Variants in NREP observed in about 807,000 individuals in gnomAD.
The protein encoded by NREP is neuronal regeneration related protein, also known as neuronal regeneration-related protein.
In NREP, 5 loss-of-function variants were observed where a neutral mutation model predicts 8.6. The observed-to-expected ratio is 0.58, with a 90% CI of 0.30 to 1.22. The LOEUF is 1.22. Ranked by LOEUF, NREP falls within the 50% of genes most tolerant of loss-of-function variation. NREP has a pLI of 0.07. For missense variants in NREP, 86 were observed against 82.5 expected (o/e 1.04, Z -0.17); for synonymous variants, 27 against 28.0 (o/e 0.96, Z 0.11).
chr5:111,732,727 GA>G (rs1748712141), intron 3 of NREP: 1 of 148,512 alleles, frequency 6.7e-6, no homozygotes. Flanking sequence ...CTGCCAGCCC[GA>G]CCCCACCTCA....
chr5:111,811,033 C>T (rs963347348), intron 2 of NREP, among the ~76,000 whole-genome samples: 22 of 152,214 alleles, frequency 1.4e-4, no homozygotes, highest in Non-Finnish European at 2.5e-4. Flanking sequence ...AATTATAGAG[C>T]CTAAAACCAC....
intron 2 of NREP, among the ~76,000 whole-genome samples, chr5:111,823,064 A>G (rs1481987466): frequency 6.6e-6 from 1 of 152,246 alleles, no homozygotes; most frequent in Non-Finnish European, 1.5e-5. Context: ...CAAGGGCCAC[A>G]GGCTGCTTGA....
At chr5:111,866,762 T>C (rs1434419128) in intron 2 of NREP, among the ~76,000 whole-genome samples, 7 of 151,740 alleles carry the variant, frequency 4.6e-5, no homozygotes, top group Non-Finnish European at 4.4e-5. Flanking sequence ...CCAACAATGA[T>C]AGACTGGATT....
intron 2 of NREP, among the ~76,000 whole-genome samples, chr5:111,967,705 G>T (rs1376437843): frequency 6.6e-6 from 1 of 152,026 alleles, no homozygotes; most frequent in African/African-American, 2.4e-5. Flanking sequence ...GATCGCCTCT[G>T]CCCGGCCGCT....
rs373729335 is a variant in NREP, at chr5:111,884,243, C to T, written c.135+91031G>A. ...ATCTAGAAGAAATGGATAAATTCCT[C>T]GACACATACACTCTCCCAAGACTAA... On this transcript the variant is annotated intron_variant, in intron 2 of 3. Transcript: ENST00000395634. 3.4e-4 allele frequency among the ~76,000 whole-genome samples: 51 copies of T among 151,194 alleles called. No homozygotes were observed. The East Asian group carries it at 5.6e-3, about 17-fold the overall frequency.
Position 111,815,163 on chromosome 5 carries a change from G to C in NREP, c.136-79656C>G, listed in dbSNP as rs1185502989. On this transcript the variant is annotated intron_variant, in intron 2 of 3. Transcript: ENST00000395634. ...GACTATAGACTTTCACAGTCTTAAAGGCTAAAAGAGGACTTTCTGCCCTGG... is the reference window on the plus strand; with the variant it reads ...GACTATAGACTTTCACAGTCTTAAACGCTAAAAGAGGACTTTCTGCCCTGG... Among the ~76,000 whole-genome samples the C allele has an allele frequency of 1.3e-5, 2 of 152,094 alleles. 1 individual carries two copies. Among genetic ancestry groups the C allele is most frequent in the Non-Finnish European group, 2.9e-5 (2 of 68,000 alleles).
intron 2 of NREP, among the ~76,000 whole-genome samples, chr5:111,975,105 A>T (rs1339467150): frequency 6.6e-6 from 1 of 152,210 alleles, no homozygotes; most frequent in Non-Finnish European, 1.5e-5. Context: ...AAGGCACACA[A>T]ATGGGGTTTA....
chr5:111,976,238 C>T (rs868358380), intron 1 of NREP, among the ~76,000 whole-genome samples: 14 of 152,252 alleles, frequency 9.2e-5, no homozygotes, highest in Non-Finnish European at 1.6e-4. Context: ...TAGTGAAAAA[C>T]TATAGGTAGA....
At chr5:111,913,664 G>A (rs1754975275) in intron 2 of NREP, among the ~76,000 whole-genome samples, 1 of 152,038 alleles carries the variant, frequency 6.6e-6, no homozygotes. Context: ...GTGAGGAATG[G>A]GTGCTGAAAA....
At chr5:111,814,197 T>C (rs1412421258) in intron 2 of NREP, among the ~76,000 whole-genome samples, 1 of 152,100 alleles carries the variant, frequency 6.6e-6, no homozygotes, top group Admixed American at 6.5e-5. Flanking sequence ...TGTCCTTAGA[T>C]TATTTGATAT....
chr5:111,848,888 T>C (rs1753243838), intron 2 of NREP, among the ~76,000 whole-genome samples: 2 of 152,162 alleles, frequency 1.3e-5, no homozygotes, highest in Non-Finnish European at 2.9e-5. Context: ...GGAAATTTAG[T>C]GTTTTCATTT....
chr5:111,843,414 G>A (rs1297571816), intron 2 of NREP, among the ~76,000 whole-genome samples: 3 of 151,608 alleles, frequency 2.0e-5, no homozygotes, highest in Non-Finnish European at 4.4e-5. Context: ...TCTTTTTAAT[G>A]GTTTGTATTT....
chr5:111,955,461 C>A (rs1392359602), intron 2 of NREP, among the ~76,000 whole-genome samples: 4 of 143,276 alleles, frequency 2.8e-5, no homozygotes, highest in Admixed American at 2.1e-4. Context: ...ACACAGGGGG[C>A]CAATACAGAA....
chr5:111,763,286 T>C (rs1013344671), intron 2 of NREP, among the ~76,000 whole-genome samples: 9 of 152,044 alleles, frequency 5.9e-5, no homozygotes, highest in Non-Finnish European at 8.8e-5. Flanking sequence ...GGAGGAAAAA[T>C]AGATGTAAAC....
chr5:111,894,154 G>T (rs1357257921), intron 2 of NREP, among the ~76,000 whole-genome samples: 2 of 152,174 alleles, frequency 1.3e-5, no homozygotes, highest in Admixed American at 1.3e-4. Flanking sequence ...AGGAGGCAGA[G>T]GTTGCAGTGA....
chr5:111,769,612 A>G (rs1380994799), intron 2 of NREP, among the ~76,000 whole-genome samples: 1 of 152,210 alleles, frequency 6.6e-6, no homozygotes, highest in Non-Finnish European at 1.5e-5. Flanking sequence ...TATGAGGAAA[A>G]CAGGTTTAAT....
At chr5:111,887,010 AC>A (rs926441994) in intron 2 of NREP, among the ~76,000 whole-genome samples, 153 of 150,702 alleles carry the variant, frequency 1.0e-3, no homozygotes, top group African/African-American at 3.2e-3. Context: ...AAAAAAAAAA[AC>A]ATCCCAGGCT....
At chr5:111,735,743 T>C (rs1749050687) in intron 2 of NREP, among the ~76,000 whole-genome samples, 1 of 152,206 alleles carries the variant, frequency 6.6e-6, no homozygotes, top group Non-Finnish European at 1.5e-5. Flanking sequence ...AAAGCAGAGA[T>C]ATCAATCAAT....
chr5:111,948,086 T>C (rs1251271420), intron 2 of NREP, among the ~76,000 whole-genome samples: 1 of 152,096 alleles, frequency 6.6e-6, no homozygotes, highest in Non-Finnish European at 1.5e-5. Context: ...GTCCCAATTT[T>C]TGAATAATAA....
Sources: allele counts gnomAD v4.1 joint callset (sites outside exome capture counted in the v4.1 genomes callset), GRCh38; gene constraint gnomAD v4.1.1; transcripts MANE v1.5; gene names NCBI Gene and HGNC (gene_info 2026-07-23, HGNC 2026-07-21).